The following RANBP2 variants were observed in gnomAD, a reference collection of about 807,000 sequenced individuals.
The protein encoded by RANBP2 is RAN binding protein 2, also known as E3 SUMO-protein ligase RanBP2.
Under a neutral mutation model 303.6 loss-of-function variants are expected in RANBP2, and 57 were observed. That is an observed-to-expected ratio of 0.19 (90% confidence interval 0.15 to 0.23). The LOEUF (loss-of-function observed/expected upper bound fraction) is 0.23. RANBP2 is among the 10% of genes least tolerant of loss of function. The pLI is 1.00. For synonymous variants in RANBP2, 1,167 were observed against 1,301.5 expected (o/e 0.90, Z 2.23); for missense variants, 3,138 against 3,780.8 (o/e 0.83, Z 4.46).
chr2:109,352,225 C>G, the RANBP2 span, among the ~76,000 whole-genome samples: 1 of 152,220 alleles, frequency 6.6e-6, no homozygotes, highest in African/African-American at 2.4e-5. Context: ...CTTCCTGTCT[C>G]AGGAAAAGTT....
At chr2:108,875,122 T>A in the RANBP2 span, among the ~76,000 whole-genome samples, 1 of 151,990 alleles carries the variant, frequency 6.6e-6, no homozygotes, top group East Asian at 1.9e-4. Flanking sequence ...TAAATCCTTT[T>A]GTATTAGGAT....
At chr2:108,844,157 A>G in the RANBP2 span, among the ~76,000 whole-genome samples, 4 of 151,456 alleles carry the variant, frequency 2.6e-5, no homozygotes, top group Admixed American at 6.6e-5. Context: ...CACCGCCCCC[A>G]GTTTCTTCAA....
rs765054053 is a variant in RANBP2, at chr2:108,765,071, C to T, written c.4532C>T (p.Pro1511Leu). The T allele has an allele frequency of 1.2e-5, 19 of 1,613,836 alleles. No homozygotes were observed. The South Asian group carries it at 2.0e-4, about 17-fold the overall frequency. Reference protein sequence around the residue: ...ACQNPRKQSLPATSIPTPASF... With the variant: ...ACQNPRKQSLLATSIPTPASF... Reference sequence around the variant, plus strand: ...CAGAATCCGAGAAAACAGAGTCTACCTGCTACTTCTATTCCAACACCTGCC... The same window carrying T: ...CAGAATCCGAGAAAACAGAGTCTACTTGCTACTTCTATTCCAACACCTGCC... Residue 1511 changes from proline (P) to leucine (L), a missense_variant, in exon 20 of 29, where the codon CCT becomes CTT. Physicochemically the swap from Pro to Leu is moderately conservative, Grantham distance 98. Coordinates refer to ENST00000283195, the MANE Select transcript of RANBP2 (RefSeq NM_006267.5).
At chr2:109,532,373 T>C in the RANBP2 span, among the ~76,000 whole-genome samples, 1 of 152,146 alleles carries the variant, frequency 6.6e-6, no homozygotes, top group African/African-American at 2.4e-5. Flanking sequence ...GCCCTAGAAC[T>C]TTTTGTTCAA....
chr2:109,242,549 C>G, the RANBP2 span, among the ~76,000 whole-genome samples: 6 of 152,136 alleles, frequency 3.9e-5, no homozygotes, highest in Non-Finnish European at 2.9e-5. Context: ...AAGTGGGAAG[C>G]CTGTGTCTGC....
In RANBP2 at chr2:108,764,918, G is replaced by A. The variant is rs1363136027; in HGVS notation, c.4379G>A (p.Gly1460Asp). Residue 1460 changes from glycine to aspartate, a missense_variant, in exon 20 of 29, where the codon GGC becomes GAC. By Grantham distance (94) the Gly-to-Asp change is moderately conservative (BLOSUM62 -1). This residue lies in a region of RANBP2 where 388 missense variants were observed against 328.5 expected (regional missense o/e 1.18). Coordinates refer to ENST00000283195, the MANE Select transcript of RANBP2 (RefSeq NM_006267.5). ...SFVHQASFKF[G>D]QGDLPKPINS... ...GTTCATCAAGCTTCATTTAAATTTG[G>A]CCAGGGAGATCTTCCTAAACCTATT... 8.1e-6 allele frequency: 13 copies of A among 1,613,952 alleles called. No homozygotes were observed. The highest frequency in any genetic ancestry group is 1.1e-5 in the Non-Finnish European group (13 of 1,179,964).
chr2:109,429,304 G>A, the RANBP2 span, among the ~76,000 whole-genome samples: 7 of 152,042 alleles, frequency 4.6e-5, no homozygotes, highest in Non-Finnish European at 8.8e-5. Context: ...TCCCCTACGA[G>A]GCACCCAGAG....
chr2:109,417,319 C>T, the RANBP2 span, among the ~76,000 whole-genome samples: 8 of 152,278 alleles, frequency 5.3e-5, no homozygotes, highest in South Asian at 4.2e-4. Context: ...TGATCCAGAC[C>T]GGCTCTGGGG....
chr2:109,220,638 T>C, the RANBP2 span, among the ~76,000 whole-genome samples: 1 of 152,182 alleles, frequency 6.6e-6, no homozygotes, highest in South Asian at 2.1e-4. Context: ...CCCAAAGATA[T>C]ACAAATGGCC....
chr2:109,617,006 C>G, the RANBP2 span: 4 of 166,906 alleles, frequency 2.4e-5, no homozygotes, highest in Middle Eastern at 3.1e-3. Context: ...GCTGAATTAC[C>G]TACAGAAACT....
chr2:109,102,775 T>C, the RANBP2 span, among the ~76,000 whole-genome samples: 2 of 152,158 alleles, frequency 1.3e-5, no homozygotes, highest in Non-Finnish European at 2.9e-5. Context: ...CTCTGCTGTT[T>C]AAGAACTTTA....
chr2:109,173,040 G>A, the RANBP2 span, among the ~76,000 whole-genome samples: 2 of 152,234 alleles, frequency 1.3e-5, no homozygotes, highest in African/African-American at 4.8e-5. Flanking sequence ...TCATCCCTGG[G>A]TGGTGGGATT....
At chr2:109,084,547 G>T in the RANBP2 span, among the ~76,000 whole-genome samples, 5 of 152,276 alleles carry the variant, frequency 3.3e-5, no homozygotes, top group South Asian at 6.2e-4. Flanking sequence ...GTTGATGTTG[G>T]CAGTGACATT....
At chr2:108,898,152 G>A in the RANBP2 span, among the ~76,000 whole-genome samples, 2 of 152,142 alleles carry the variant, frequency 1.3e-5, no homozygotes, top group Non-Finnish European at 1.5e-5. Flanking sequence ...CAGAAAAACT[G>A]TGTCCCCACT....
the RANBP2 span, chr2:108,884,371 T>A: frequency 6.6e-6 from 1 of 152,314 alleles, no homozygotes; most frequent in East Asian, 1.9e-4. Context: ...AGCAGTGTAA[T>A]TCCACAAGGC....
At chr2:109,726,173 C>A in the RANBP2 span, among the ~76,000 whole-genome samples, 2 of 151,042 alleles carry the variant, frequency 1.3e-5, no homozygotes, top group Non-Finnish European at 2.9e-5. Flanking sequence ...CTTTGGGAGG[C>A]TGACGCAGGC....
intron 7 of RANBP2, among the ~76,000 whole-genome samples, chr2:108,744,405 CAAA>C (rs35651916): frequency 1.5e-5 from 2 of 133,848 alleles, no homozygotes. Context: ...GACTCCATCT[CAAA>C]AAAAAAAAAA....
the RANBP2 span, chr2:109,449,501 A>G: frequency 1.1e-5 from 17 of 1,612,714 alleles, no homozygotes; most frequent in South Asian, 7.7e-5. Flanking sequence ...TAAGAGGCCC[A>G]TCCTGGACGA....
At chr2:109,443,933 A>G in the RANBP2 span, among the ~76,000 whole-genome samples, 1 of 152,172 alleles carries the variant, frequency 6.6e-6, no homozygotes, top group South Asian at 2.1e-4. Context: ...CAACAGCAAA[A>G]TGCACCTTCT....
Sources: gnomAD v4.1 joint callset for allele counts (sites outside exome capture counted in the v4.1 genomes callset) on GRCh38, gnomAD v4.1.1 for gene constraint, gnomAD v4.1.1 regional missense constraint, MANE v1.5 for transcripts, NCBI Gene and HGNC (gene_info 2026-07-23, HGNC 2026-07-21) for gene names.